SPAG16: variants seen among roughly 807,000 people sequenced by gnomAD.
SPAG16 encodes sperm associated antigen 16.
A neutral mutation model predicts 80.4 loss-of-function variants in SPAG16; 86 were observed. That is an observed-to-expected ratio of 1.07 (90% CI 0.90 to 1.28). SPAG16 has a LOEUF of 1.28. SPAG16 is among the 50% of genes most tolerant of loss of function. SPAG16 has a pLI of 0.00. For missense variants in SPAG16, 870 were observed against 765.3 expected (o/e 1.14, Z -1.61); for synonymous variants, 294 against 265.9 (o/e 1.11, Z -1.03).
At chr2:214,075,161 C>T (rs759594108) in intron 13 of SPAG16, among the ~76,000 whole-genome samples, 1 of 151,024 alleles carries the variant, frequency 6.6e-6, no homozygotes, top group Non-Finnish European at 1.5e-5. Flanking sequence ...GGTATTTTCT[C>T]CCACTCTGGT....
At position 213,399,577 on chromosome 2, in the gene SPAG16, A is replaced by G. The variant is rs79936842; in HGVS notation, c.942+24458A>G. On this transcript the variant is annotated intron_variant, in intron 9 of 15. Coordinates refer to ENST00000331683, the MANE Select transcript of SPAG16 (RefSeq NM_024532.5). ...ACTGGACCTAGTTAATCATTTTTTC[A>G]TAGGATGCTTACTTCTAGTTTATGA... Among the ~76,000 whole-genome samples, 197 of 152,034 alleles carry G rather than the reference A, an allele frequency of 1.3e-3. 1 individual carries two copies. In the East Asian group the frequency reaches 0.026, roughly 20 times the overall value.
chr2:214,301,958 GT>G (rs1694580646), intron 15 of SPAG16, among the ~76,000 whole-genome samples: 1 of 151,884 alleles, frequency 6.6e-6, no homozygotes, highest in Non-Finnish European at 1.5e-5. Flanking sequence ...TCTCCTATAG[GT>G]TTTGGTATGT....
chr2:213,610,168 G>A (rs951665216), intron 10 of SPAG16, among the ~76,000 whole-genome samples: 8 of 151,802 alleles, frequency 5.3e-5, no homozygotes, highest in Admixed American at 1.3e-4. Context: ...TAAGTATTGA[G>A]GGAAATCAAA....
At chr2:213,377,985 A>G (rs1284055376) in intron 9 of SPAG16, among the ~76,000 whole-genome samples, 4 of 151,862 alleles carry the variant, frequency 2.6e-5, no homozygotes, top group African/African-American at 9.7e-5. Context: ...ACACGATCAC[A>G]AGGTCCCACA....
At chr2:214,092,923 T>C (rs996713254) in intron 13 of SPAG16, among the ~76,000 whole-genome samples, 2 of 152,110 alleles carry the variant, frequency 1.3e-5, no homozygotes, top group Admixed American at 6.6e-5. Flanking sequence ...TCCCAGCAGC[T>C]CTTTTTATGG....
chr2:213,345,574 G>T (rs1023392354), intron 6 of SPAG16, among the ~76,000 whole-genome samples: 7 of 129,202 alleles, frequency 5.4e-5, no homozygotes, highest in Non-Finnish European at 1.1e-4. Context: ...GTGAGGAAGG[G>T]ATCCAGTTTC....
chr2:214,288,011 G>C (rs1179764751), intron 15 of SPAG16, among the ~76,000 whole-genome samples: 3 of 151,926 alleles, frequency 2.0e-5, no homozygotes, highest in Non-Finnish European at 4.4e-5. Context: ...TGAATATTGG[G>C]GATTATTTCT....
intron 5 of SPAG16, among the ~76,000 whole-genome samples, chr2:213,339,779 C>T (rs2064574481): frequency 6.7e-6 from 1 of 149,412 alleles, no homozygotes; most frequent in South Asian, 2.1e-4. Flanking sequence ...GAGTTAAATT[C>T]CATAAAGTCT....
chr2:214,171,525 T>C (rs1203132932), intron 15 of SPAG16, among the ~76,000 whole-genome samples: 1 of 151,990 alleles, frequency 6.6e-6, no homozygotes, highest in Non-Finnish European at 1.5e-5. Context: ...TATCATTACT[T>C]TTCACAAACT....
intron 9 of SPAG16, among the ~76,000 whole-genome samples, chr2:213,470,102 A>G (rs1055582872): frequency 1.3e-5 from 2 of 152,128 alleles, no homozygotes; most frequent in African/African-American, 4.8e-5. Context: ...GAGAAACAGT[A>G]CCATATATTG....
intron 10 of SPAG16, among the ~76,000 whole-genome samples, chr2:213,573,916 C>T (rs568225915): frequency 6.6e-4 from 100 of 152,238 alleles, no homozygotes; most frequent in African/African-American, 2.3e-3. Flanking sequence ...AATGTGCATA[C>T]TTGTCCCCTG....
At chr2:213,825,641 G>A (rs1179294695) in intron 10 of SPAG16, among the ~76,000 whole-genome samples, 1 of 149,702 alleles carries the variant, frequency 6.7e-6, no homozygotes, top group Non-Finnish European at 1.5e-5. Context: ...TTTTATTGAG[G>A]ATTTTTGCAT....
At chr2:214,231,512 A>G (rs1688702468) in intron 15 of SPAG16, among the ~76,000 whole-genome samples, 1 of 152,046 alleles carries the variant, frequency 6.6e-6, no homozygotes, top group Admixed American at 6.6e-5. Context: ...ATACTCATGC[A>G]TATAAGAAAT....
chr2:213,585,983 A>T (rs1051038098), intron 10 of SPAG16, among the ~76,000 whole-genome samples: 2 of 152,140 alleles, frequency 1.3e-5, no homozygotes, highest in Non-Finnish European at 2.9e-5. Context: ...TCTCCATAAC[A>T]TATGATGTAT....
At chr2:213,412,208 A>C (rs2069013024) in intron 9 of SPAG16, among the ~76,000 whole-genome samples, 1 of 151,926 alleles carries the variant, frequency 6.6e-6, no homozygotes, top group Admixed American at 6.6e-5. Context: ...CTCTGCCCTG[A>C]CTCCCAACAA....
chr2:213,478,818 T>C (rs1309313195), intron 9 of SPAG16, among the ~76,000 whole-genome samples: 1 of 152,150 alleles, frequency 6.6e-6, no homozygotes, highest in Non-Finnish European at 1.5e-5. Context: ...ATTATTCTTA[T>C]CCATTCATCT....
At chr2:213,383,330 A>G (rs1325227184) in intron 9 of SPAG16, among the ~76,000 whole-genome samples, 2 of 152,144 alleles carry the variant, frequency 1.3e-5, no homozygotes, top group African/African-American at 4.8e-5. Context: ...CAGAGTATTT[A>G]GTATCTTGCT....
At chr2:213,324,891 T>G (rs2063777821) in intron 5 of SPAG16, among the ~76,000 whole-genome samples, 1 of 152,138 alleles carries the variant, frequency 6.6e-6, no homozygotes, top group Admixed American at 6.5e-5. Context: ...TCCAAACAGC[T>G]ACTAACATTG....
chr2:214,256,574 G>C (rs1312703644), intron 15 of SPAG16, among the ~76,000 whole-genome samples: 2 of 86,342 alleles, frequency 2.3e-5, no homozygotes, highest in African/African-American at 7.7e-5. Flanking sequence ...ATAAATCTGG[G>C]CGAGAGTTTT....
Sources: gnomAD v4.1 joint callset for allele counts (sites outside exome capture counted in the v4.1 genomes callset) on GRCh38, gnomAD v4.1.1 for gene constraint, MANE v1.5 for transcripts, NCBI Gene and HGNC (gene_info 2026-07-23, HGNC 2026-07-21) for gene names.